The following ABCG1 variants were observed in gnomAD, a reference collection of about 807,000 sequenced individuals.
The protein encoded by ABCG1 is ATP-binding cassette sub-family G member 1.
In ABCG1, 29 loss-of-function variants were observed where a neutral mutation model predicts 69.2. That is an observed-to-expected ratio of 0.42 (90% CI 0.31 to 0.57). The LOEUF (loss-of-function observed/expected upper bound fraction) is 0.57, where lower values mean the gene tolerates loss of function less well. Ranked by LOEUF, ABCG1 falls within the 20% of genes least tolerant of loss-of-function variation. The pLI, the probability that ABCG1 is intolerant of heterozygous loss-of-function variation, is 0.15. For synonymous variants in ABCG1, 370 were observed against 374.8 expected (o/e 0.99, Z 0.15); for missense variants, 718 against 898.1 (o/e 0.80, Z 2.56).
chr21:42,205,216 TGTA>T (rs1333072862), intron 2 of ABCG1, among the ~76,000 whole-genome samples: 1 of 152,230 alleles, frequency 6.6e-6, no homozygotes, highest in African/African-American at 2.4e-5. Context: ...TTGTGGGATC[TGTA>T]GTGATGTCGC....
chr21:42,281,820 C>T (rs572167192), intron 5 of ABCG1, among the ~76,000 whole-genome samples: 2 of 152,352 alleles, frequency 1.3e-5, no homozygotes, highest in Admixed American at 1.3e-4. Context: ...GTAACCATCA[C>T]AGCGACCCTC....
Position 42,282,437 on chromosome 21 carries a change from G to C in ABCG1, c.734+18G>C. On this transcript the variant is annotated intron_variant, in intron 6 of 14. Transcript: ENST00000398449. ...CCCACCAGGTAAGTCAGGAGCATCT[G>C]AGCTGGTGTCCAGGGGCAGGAAGAA... The C allele has an allele frequency of 1.2e-6, 2 of 1,603,684 alleles. No individual in the cohort carries two copies. The highest frequency in any genetic ancestry group is 8.5e-7 in the Non-Finnish European group (1 of 1,172,572).
At chr21:42,275,832 G>A (rs1055619836) in intron 4 of ABCG1, among the ~76,000 whole-genome samples, 1 of 152,248 alleles carries the variant, frequency 6.6e-6, no homozygotes, top group Non-Finnish European at 1.5e-5. Context: ...GATATTGGCC[G>A]CCCGTTGCGG....
chr21:42,270,599 A>T (rs2068598369), intron 2 of ABCG1, among the ~76,000 whole-genome samples: 2 of 152,366 alleles, frequency 1.3e-5, no homozygotes, highest in South Asian at 4.1e-4. Context: ...AAGCATAAAT[A>T]AATAATTTGT....
At chr21:42,257,804 G>A (rs1016822163) in intron 2 of ABCG1, among the ~76,000 whole-genome samples, 8 of 152,296 alleles carry the variant, frequency 5.3e-5, no homozygotes, top group Middle Eastern at 6.8e-3. Context: ...TAGAAAAGGC[G>A]TTCTTCAGGA....
In ABCG1 at chr21:42,291,110, T is replaced by G. The variant is rs1230740995; in HGVS notation, c.1412T>G (p.Val471Gly). 1 of 1,613,754 alleles carries G rather than the reference T, an allele frequency of 6.2e-7. No homozygotes were observed. The highest frequency in any genetic ancestry group is 8.5e-7 in the Non-Finnish European group (1 of 1,179,872). ...CTCCTAGTTCCCCTGGAGATGGGAGTCTTTCTTCGGGAACACCTGAACTAC... is the reference window on the plus strand; with the variant it reads ...CTCCTAGTTCCCCTGGAGATGGGAGGCTTTCTTCGGGAACACCTGAACTAC... ...TVLTFPLEMG[V>G]FLREHLNYWY... is the part of the protein sequence containing the mutation. Residue 471 changes from valine (V) to glycine (G), a missense_variant, in exon 12 of 15, where the codon GTC becomes GGC. Around this residue, in one of 2 missense-constraint regions of ABCG1, gnomAD observed 204 missense variants for 323.8 expected, o/e 0.63. Coordinates refer to ENST00000398449, the MANE Select transcript of ABCG1 (RefSeq NM_016818.3). This position sits in a 1 kb window ranked among gnomAD's most constrained non-coding sequence, Gnocchi z 6.4.
At chr21:42,232,462 T>C (rs1471550445) in intron 2 of ABCG1, among the ~76,000 whole-genome samples, 1 of 152,224 alleles carries the variant, frequency 6.6e-6, no homozygotes, top group African/African-American at 2.4e-5. Flanking sequence ...GGTCTGCTTT[T>C]CTCTTTGCCA....
chr21:42,227,371 A>T (rs2067833239), intron 2 of ABCG1, among the ~76,000 whole-genome samples: 1 of 152,242 alleles, frequency 6.6e-6, no homozygotes, highest in Admixed American at 6.5e-5. Flanking sequence ...GTATCAAGAA[A>T]CCAGGACACC....
intron 1 of ABCG1, among the ~76,000 whole-genome samples, chr21:42,220,744 G>A (rs534983883): frequency 1.3e-4 from 20 of 152,362 alleles, no homozygotes; most frequent in African/African-American, 4.3e-4. Flanking sequence ...GAATCTTTGG[G>A]CAACACTTGG....
At chr21:42,292,149 G>A (rs553654361) in intron 13 of ABCG1, among the ~76,000 whole-genome samples, 1 of 152,240 alleles carries the variant, frequency 6.6e-6, no homozygotes, top group South Asian at 2.1e-4. Flanking sequence ...GCACCTGCAG[G>A]TTCTCTACCT....
Position 42,282,329 on chromosome 21 carries a change from G to C in ABCG1, c.644G>C (p.Gly215Ala). The C allele has an allele frequency of 6.2e-7, 1 of 1,613,530 alleles. No individual in the cohort carries two copies. The highest frequency in any genetic ancestry group is 1.7e-5 in the Admixed American group (1 of 60,024). ...GLLSCANTRTGSLSGGQRKRL... is the reference protein window; with the variant it reads ...GLLSCANTRTASLSGGQRKRL... ...CTGTCTTGCGCCAACACGCGGACCG[G>C]GAGCCTGTCAGGTGGTCAGCGCAAG... The change falls in exon 6 of 15, where the codon GGG becomes GCG. Residue 215 changes from glycine (G) to alanine (A), a missense_variant. Physicochemically the swap from Gly to Ala is moderately conservative, Grantham distance 60. Coordinates refer to ENST00000398449, the MANE Select transcript of ABCG1 (RefSeq NM_016818.3).
chr21:42,216,209 T>C (rs181861233), upstream of ABCG1: 867 of 442,110 alleles, frequency 2.0e-3, 8 homozygotes, highest in African/African-American at 0.016. Flanking sequence ...TAAATCTCTT[T>C]CCTTTGTAAA....
At chr21:42,201,653 CT>C (rs1367115590) in exon 2 of ABCG1, 1 of 1,604,782 alleles carries the variant, frequency 6.2e-7, no homozygotes, top group African/African-American at 1.3e-5. Flanking sequence ...GGATCACCGA[CT>C]CTGTGCCAGG....
At chr21:42,260,640 A>C (rs1408627616) in intron 2 of ABCG1, among the ~76,000 whole-genome samples, 1 of 152,000 alleles carries the variant, frequency 6.6e-6, no homozygotes, top group Non-Finnish European at 1.5e-5. Flanking sequence ...CAGTCTTTGC[A>C]CTCAGCCCCA....
intron 10 of ABCG1, among the ~76,000 whole-genome samples, chr21:42,289,281 C>T (rs1280982647): frequency 3.3e-5 from 5 of 152,126 alleles, no homozygotes; most frequent in African/African-American, 7.2e-5. Flanking sequence ...CATCCCGGGA[C>T]AGCTCCTATC....
rs753275307 is a variant in ABCG1 at position 42,276,900 on chromosome 21, G to A, written c.543G>A (p.Ser181=). The A allele has an allele frequency of 1.2e-5, 19 of 1,614,046 alleles. No homozygotes were observed. The highest frequency in any genetic ancestry group is 6.6e-5 in the South Asian group (6 of 91,088). Residue 181 remains serine, a synonymous_variant, in exon 5 of 15, where the codon TCG becomes TCA. Transcript: ENST00000398449. This position sits in a 1 kb window ranked among gnomAD's most constrained non-coding sequence, Gnocchi z 5.3. Reference sequence around the variant, plus strand: ...GTTGTCCTTGTCCCCTGCAGGTGTCGGCACATCTGAAGCTTCAGGAGAAGG... The same window carrying A: ...GTTGTCCTTGTCCCCTGCAGGTGTCAGCACATCTGAAGCTTCAGGAGAAGG... The part of the protein sequence containing the change: ...HLTVQEAMMV[S]AHLKLQEKDE...
chr21:42,229,511 A>G (rs542841220), intron 2 of ABCG1, among the ~76,000 whole-genome samples: 1 of 152,172 alleles, frequency 6.6e-6, no homozygotes, highest in South Asian at 2.1e-4. Flanking sequence ...CGAGGTCAGG[A>G]GTTCGAGACC....
chr21:42,274,491 TG>T (rs1569231258), intron 4 of ABCG1, among the ~76,000 whole-genome samples: 6 of 148,698 alleles, frequency 4.0e-5, no homozygotes, highest in East Asian at 2.0e-4. Context: ...TTTTTTTTTT[TG>T]GGGACAGAGT....
intron 1 of ABCG1, among the ~76,000 whole-genome samples, chr21:42,222,420 G>A (rs1368174997): frequency 1.3e-5 from 2 of 152,184 alleles, no homozygotes; most frequent in Non-Finnish European, 2.9e-5. Context: ...TTGGGGATGG[G>A]GCTGTATGAT....
Sources: allele counts gnomAD v4.1 joint callset (sites outside exome capture counted in the v4.1 genomes callset), GRCh38; gene constraint gnomAD v4.1.1; regional missense constraint gnomAD v4.1.1; non-coding constraint Gnocchi (gnomAD v3.1); transcripts MANE v1.5; gene names NCBI Gene and HGNC (gene_info 2026-07-23, HGNC 2026-07-21).